MTRF1: variants seen among roughly 807,000 people sequenced by gnomAD.
MTRF1 encodes mitochondrial translation release factor 1.
A neutral mutation model predicts 62.9 loss-of-function variants in MTRF1; 51 were observed. The ratio of observed to expected loss-of-function variants is 0.81; its 90% CI spans 0.65 to 1.02. The LOEUF (loss-of-function observed/expected upper bound fraction) is 1.02, where lower values mean the gene tolerates loss of function less well. MTRF1 is among the 50% of genes least tolerant of loss of function. The pLI is 0.00. For synonymous variants in MTRF1, 158 were observed against 181.9 expected, an observed-to-expected ratio of 0.87 and a Z score of 1.06; for missense variants, 446 against 530.0, an observed-to-expected ratio of 0.84 and a Z score of 1.56.
At chr13:41,249,397 C>G (rs572355078) in intron 5 of MTRF1, among the ~76,000 whole-genome samples, 1 of 151,760 alleles carries the variant, frequency 6.6e-6, no homozygotes, top group Non-Finnish European at 1.5e-5. Flanking sequence ...AAAAATTAGC[C>G]GGGCGTAGTG....
chr13:41,262,954 A>G (rs953612043), intron 1 of MTRF1, among the ~76,000 whole-genome samples: 4 of 152,356 alleles, frequency 2.6e-5, no homozygotes, highest in Admixed American at 2.6e-4. Flanking sequence ...GGTCTTTAAA[A>G]TATTCAGTTT....
intron 5 of MTRF1, among the ~76,000 whole-genome samples, chr13:41,250,529 C>G (rs1048615799): frequency 4.0e-5 from 6 of 150,650 alleles, no homozygotes; most frequent in African/African-American, 1.5e-4. Context: ...GAGTCTTACT[C>G]TATCGCCCAG....
chr13:41,289,516 G>A, the MTRF1 span, among the ~76,000 whole-genome samples: 1 of 152,188 alleles, frequency 6.6e-6, no homozygotes, highest in Non-Finnish European at 1.5e-5. Flanking sequence ...GATTACAGGC[G>A]TGAGCCGCCG....
chr13:41,273,542 C>T, the MTRF1 span, among the ~76,000 whole-genome samples: 1 of 152,066 alleles, frequency 6.6e-6, no homozygotes, highest in Non-Finnish European at 1.5e-5. Context: ...TTTAGGGAGA[C>T]ATGAGACATC....
At chr13:41,262,863 G>A (rs1434447447) in intron 1 of MTRF1, among the ~76,000 whole-genome samples, 1 of 152,176 alleles carries the variant, frequency 6.6e-6, no homozygotes, top group Non-Finnish European at 1.5e-5. Context: ...ATGCTAGGAG[G>A]TGCATTGATA....
chr13:41,218,280 AATTTTTTTTTTTTTTTT>A (rs2032343542), intron 9 of MTRF1, among the ~76,000 whole-genome samples: 1 of 121,004 alleles, frequency 8.3e-6, no homozygotes. Context: ...ACACCCAGCT[AATTTTTTTTTTTTTTTT>A]TTTTTTTTTT....
chr13:41,283,585 C>CTTTTTTTTTTTTTTTTTT, the MTRF1 span, among the ~76,000 whole-genome samples: 1 of 83,566 alleles, frequency 1.2e-5, no homozygotes, highest in Non-Finnish European at 2.1e-5. Flanking sequence ...CTCTGACAAT[C>CTTTTTTTTTTTTTTTTTT]TTTTTTTTTT....
At chr13:41,220,399 A>AC (rs2033082141) in intron 9 of MTRF1, 2 of 266,080 alleles carry the variant, frequency 7.5e-6, no homozygotes, top group Non-Finnish European at 1.5e-5. Flanking sequence ...TTTCCAGTGT[A>AC]ACTGGAATAT....
intron 5 of MTRF1, among the ~76,000 whole-genome samples, chr13:41,242,693 A>G (rs1049661227): frequency 5.9e-5 from 9 of 152,152 alleles, no homozygotes; most frequent in Non-Finnish European, 1.0e-4. Flanking sequence ...AGCCTTGGAA[A>G]TAATGTGTCC....
the MTRF1 span, among the ~76,000 whole-genome samples, chr13:41,295,584 T>C: frequency 6.6e-6 from 1 of 152,186 alleles, no homozygotes; most frequent in Non-Finnish European, 1.5e-5. Context: ...ATTTTACATT[T>C]TATCGAGATA....
the MTRF1 span, among the ~76,000 whole-genome samples, chr13:41,272,255 C>G: frequency 6.6e-6 from 1 of 152,130 alleles, no homozygotes; most frequent in African/African-American, 2.4e-5. Flanking sequence ...TACAGGGATT[C>G]AAGTCATTAA....
the MTRF1 span, among the ~76,000 whole-genome samples, chr13:41,294,227 G>C: frequency 1.6e-4 from 24 of 151,958 alleles, no homozygotes; most frequent in Non-Finnish European, 2.6e-4. Context: ...AGACCATCCT[G>C]GCCAACATGG....
chr13:41,311,608 G>GC, the MTRF1 span: 88 of 1,595,696 alleles, frequency 5.5e-5, no homozygotes, highest in Non-Finnish European at 6.7e-5. Context: ...CCGCGCTGCC[G>GC]CCCCCCGGTC....
the MTRF1 span, among the ~76,000 whole-genome samples, chr13:41,300,179 A>G: frequency 1.3e-5 from 2 of 152,234 alleles, no homozygotes; most frequent in Non-Finnish European, 2.9e-5. Context: ...ATGATTAAGC[A>G]TAGAGTTTAT....
At chr13:41,256,619 C>T (rs562313212) in intron 2 of MTRF1, among the ~76,000 whole-genome samples, 2 of 152,150 alleles carry the variant, frequency 1.3e-5, no homozygotes, top group Non-Finnish European at 2.9e-5. Context: ...CCACCGCACC[C>T]GGCCTGTTGT....
chr13:41,257,872 G>A, intron 2 of MTRF1: 1 of 355,432 alleles, frequency 2.8e-6, no homozygotes, highest in South Asian at 2.1e-5. Flanking sequence ...ATTCAAATGA[G>A]ATAATATTTG....
chr13:41,284,337 A>C, the MTRF1 span, among the ~76,000 whole-genome samples: 7 of 151,708 alleles, frequency 4.6e-5, no homozygotes, highest in South Asian at 1.0e-3. Flanking sequence ...AAAAAAAAAA[A>C]AATGCAAAAA....
the MTRF1 span, among the ~76,000 whole-genome samples, chr13:41,270,225 C>A: frequency 1.3e-5 from 2 of 152,052 alleles, no homozygotes; most frequent in African/African-American, 4.8e-5. Context: ...TTTATGTTGG[C>A]AATTTTTATG....
chr13:41,255,377 TG>T (rs1302219953), intron 2 of MTRF1, among the ~76,000 whole-genome samples: 1 of 152,144 alleles, frequency 6.6e-6, no homozygotes, highest in African/African-American at 2.4e-5. Flanking sequence ...CCACTGTGCC[TG>T]GCTTAGTACG....
Sources: allele counts gnomAD v4.1 joint callset (sites outside exome capture counted in the v4.1 genomes callset), GRCh38; gene constraint gnomAD v4.1.1; transcripts MANE v1.5; gene names NCBI Gene and HGNC (gene_info 2026-07-23, HGNC 2026-07-21).